Variants in CDIN1 observed in about 807,000 individuals in gnomAD.
The protein encoded by CDIN1 is CDAN1 interacting nuclease 1.
Under a neutral mutation model 45.3 loss-of-function variants are expected in CDIN1, and 33 were observed. The observed-to-expected ratio is 0.73, with a 90% confidence interval of 0.55 to 0.97. The LOEUF (loss-of-function observed/expected upper bound fraction) is 0.97, where lower values mean the gene tolerates loss of function less well. Among genes scored for constraint, CDIN1 ranks in the 50% least tolerant of loss-of-function variants. The pLI is 0.00. For missense variants in CDIN1, 303 were observed against 339.4 expected (o/e 0.89, Z 0.84); for synonymous variants, 118 against 124.4 (o/e 0.95, Z 0.34).
intron 10 of CDIN1, among the ~76,000 whole-genome samples, chr15:36,757,616 A>G (rs1470182698): frequency 1.3e-5 from 2 of 152,100 alleles, no homozygotes; most frequent in Non-Finnish European, 2.9e-5. Flanking sequence ...CTGCCCACTC[A>G]TGAGTCATCC....
intron 1 of CDIN1, among the ~76,000 whole-genome samples, chr15:36,632,939 G>C (rs567529038): frequency 6.6e-6 from 1 of 152,202 alleles, no homozygotes; most frequent in Non-Finnish European, 1.5e-5. Context: ...TTTATGTTAC[G>C]ACTTGTTCTA....
intron 10 of CDIN1, among the ~76,000 whole-genome samples, chr15:36,792,727 T>C (rs932057373): frequency 1.1e-4 from 16 of 152,186 alleles, no homozygotes; most frequent in Non-Finnish European, 1.8e-4. Flanking sequence ...ACAGATTCCA[T>C]GCAGAAACAT....
chr15:36,724,917 A>G (rs2140892417), intron 10 of CDIN1, among the ~76,000 whole-genome samples: 1 of 152,236 alleles, frequency 6.6e-6, no homozygotes, highest in Admixed American at 6.5e-5. Context: ...AAGTTGTACC[A>G]AAATGTACGA....
Position 36,585,803 on chromosome 15 carries a change from G to T in CDIN1, c.101+5842G>T, listed in dbSNP as rs541395369. On this transcript the variant is annotated intron_variant, in intron 1 of 10. Coordinates refer to ENST00000566621, the MANE Select transcript of CDIN1 (RefSeq NM_001321759.2). Reference sequence around the variant, plus strand: ...AATAATTTTGTGATATATGACAATGGCATTGCTTCATAAGGACAAGAAGAA... The same window carrying T: ...AATAATTTTGTGATATATGACAATGTCATTGCTTCATAAGGACAAGAAGAA... Among the ~76,000 whole-genome samples, 33 of 152,222 alleles carry T rather than the reference G, an allele frequency of 2.2e-4. 1 individual carries two copies. The South Asian group carries it at 4.4e-3, about 20-fold the overall frequency.
At chr15:36,685,932 A>G (rs1290421553) in intron 5 of CDIN1, among the ~76,000 whole-genome samples, 2 of 151,974 alleles carry the variant, frequency 1.3e-5, no homozygotes, top group Non-Finnish European at 2.9e-5. Context: ...GATGATGTGG[A>G]GAAATAGGAA....
rs765808459 is a variant in CDIN1, at chr15:36,644,326, TAGA to T, written c.147+6_147+8del. ...GCATCTTCTCCCAGGAGTACCAGGT[TAGA>T]AGTTTTCTCCTTTGTGAGGGTTGAC... On this transcript the variant is annotated splice_donor_5th_base_variant and intron_variant, in intron 2 of 10. Transcript: ENST00000566621. 1.2e-6 allele frequency: 2 copies of T among 1,613,104 alleles called. No homozygotes were observed.
At chr15:36,750,756 C>G (rs901844479) in intron 10 of CDIN1, among the ~76,000 whole-genome samples, 4 of 152,058 alleles carry the variant, frequency 2.6e-5, no homozygotes, top group African/African-American at 9.7e-5. Context: ...ATTGCCAGTT[C>G]CGAAACTTTT....
At chr15:36,626,387 T>TAAAA (rs34442047) in intron 1 of CDIN1, among the ~76,000 whole-genome samples, 1 of 143,574 alleles carries the variant, frequency 7.0e-6, no homozygotes, top group African/African-American at 2.5e-5. Context: ...ATCCATTTCT[T>TAAAA]AAAAAAAAAA....
chr15:36,669,993 C>T (rs2041386998), intron 5 of CDIN1, among the ~76,000 whole-genome samples: 1 of 152,030 alleles, frequency 6.6e-6, no homozygotes. Flanking sequence ...ATTTAGTACA[C>T]ACTCAAGTTG....
At chr15:36,795,221 C>T (rs1221705788) in intron 10 of CDIN1, among the ~76,000 whole-genome samples, 1 of 152,000 alleles carries the variant, frequency 6.6e-6, no homozygotes, top group Non-Finnish European at 1.5e-5. Flanking sequence ...TTCTAATGTT[C>T]AATAGCAGAG....
At chr15:36,707,532 CTG>C (rs894332017) in intron 8 of CDIN1, 45 of 99,260 alleles carry the variant, frequency 4.5e-4, no homozygotes, top group African/African-American at 2.1e-3. Flanking sequence ...AGTGCAGCAT[CTG>C]TCTTTTAAAG....
intron 5 of CDIN1, among the ~76,000 whole-genome samples, chr15:36,676,570 C>T (rs2041658010): frequency 6.6e-6 from 1 of 152,158 alleles, no homozygotes; most frequent in Non-Finnish European, 1.5e-5. Context: ...ACTGTGGTAT[C>T]ACCTTTAGAA....
chr15:36,608,811 T>TAA (rs1003162158), intron 1 of CDIN1, among the ~76,000 whole-genome samples: 1 of 151,546 alleles, frequency 6.6e-6, no homozygotes, highest in African/African-American at 2.4e-5. Flanking sequence ...TATGTTAAAT[T>TAA]AAAAAAAAAC....
intron 10 of CDIN1, among the ~76,000 whole-genome samples, chr15:36,715,278 T>C (rs953977843): frequency 6.6e-6 from 1 of 152,170 alleles, no homozygotes; most frequent in African/African-American, 2.4e-5. Flanking sequence ...TGCCACAGAA[T>C]TGATTTGACT....
Position 36,579,968 on chromosome 15 carries a change from G to A in CDIN1, c.101+7G>A. On this transcript the variant is annotated splice_region_variant and intron_variant, in intron 1 of 10. Coordinates refer to ENST00000566621, the MANE Select transcript of CDIN1 (RefSeq NM_001321759.2). Reference sequence around the variant, plus strand: ...TGAAGCAGAGGTTTCCCAGGTAAGTGTCCATCTCTCCCCTCTCACAGCCCT... The same window carrying A: ...TGAAGCAGAGGTTTCCCAGGTAAGTATCCATCTCTCCCCTCTCACAGCCCT... The A allele has an allele frequency of 6.2e-7, 1 of 1,610,822 alleles. No homozygotes were observed. Among genetic ancestry groups the A allele is most frequent in the South Asian group, 1.1e-5 (1 of 90,332 alleles).
chr15:36,770,728 C>T (rs904689174), intron 10 of CDIN1, among the ~76,000 whole-genome samples: 1 of 152,166 alleles, frequency 6.6e-6, no homozygotes, highest in Non-Finnish European at 1.5e-5. Context: ...GGATTACAGG[C>T]GTGAGCCACC....
intron 10 of CDIN1, among the ~76,000 whole-genome samples, chr15:36,740,379 C>T (rs552263413): frequency 1.3e-5 from 2 of 152,164 alleles, no homozygotes; most frequent in African/African-American, 2.4e-5. Flanking sequence ...ACTAACCATA[C>T]CTGTCATAAC....
chr15:36,746,848 C>T, intron 10 of CDIN1: 1 of 278,672 alleles, frequency 3.6e-6, no homozygotes, highest in Non-Finnish European at 6.5e-6. Flanking sequence ...CTTCCAGGCT[C>T]AAGTGACCCT....
chr15:36,668,725 A>G (rs945516280), intron 5 of CDIN1, among the ~76,000 whole-genome samples: 1 of 152,060 alleles, frequency 6.6e-6, no homozygotes, highest in African/African-American at 2.4e-5. Context: ...ACCTATTATC[A>G]TTGGTGCATA....
Sources: gnomAD v4.1 joint callset for allele counts (sites outside exome capture counted in the v4.1 genomes callset) on GRCh38, gnomAD v4.1.1 for gene constraint, MANE v1.5 for transcripts, NCBI Gene and HGNC (gene_info 2026-07-23, HGNC 2026-07-21) for gene names.